AKT3: variants seen among roughly 807,000 people sequenced by gnomAD.
AKT3 encodes RAC-gamma serine/threonine-protein kinase.
In AKT3, 15 loss-of-function variants were observed where a neutral mutation model predicts 65.3. That is an observed-to-expected ratio of 0.23 (90% CI 0.15 to 0.35). The LOEUF is 0.35. AKT3 is among the 10% of genes least tolerant of loss of function. The probability of loss-of-function intolerance (pLI) is 1.00; values close to 1 mark genes in which losing one functional copy is unlikely to be tolerated. For synonymous variants in AKT3, 206 were observed against 183.8 expected, an observed-to-expected ratio of 1.12 and a Z score of -0.98; for missense variants, 243 against 576.5, an observed-to-expected ratio of 0.42 and a Z score of 5.92.
intron 3 of AKT3, among the ~76,000 whole-genome samples, chr1:243,679,958 T>C (rs1356783111): frequency 2.0e-5 from 3 of 152,142 alleles, no homozygotes; most frequent in Non-Finnish European, 2.9e-5. Context: ...AAGGAAACAA[T>C]GCATATGAAA....
chr1:243,849,292 A>C (rs1180314455), intron 1 of AKT3, among the ~76,000 whole-genome samples: 2 of 152,124 alleles, frequency 1.3e-5, no homozygotes, highest in Admixed American at 1.3e-4. Context: ...CATCTTCCGC[A>C]CATTTCTATT....
chr1:243,846,455 T>C (rs948265226), intron 1 of AKT3, among the ~76,000 whole-genome samples: 8 of 152,130 alleles, frequency 5.3e-5, no homozygotes, highest in Non-Finnish European at 5.9e-5. Context: ...AAATGAGAAA[T>C]ACCTGTAGTT....
chr1:243,709,381 G>T (rs1686007795), intron 2 of AKT3, among the ~76,000 whole-genome samples: 1 of 151,590 alleles, frequency 6.6e-6, no homozygotes, highest in Non-Finnish European at 1.5e-5. Flanking sequence ...GATCTCACGT[G>T]GATGACACTG....
At chr1:243,784,915 C>A (rs1395745243) in intron 2 of AKT3, among the ~76,000 whole-genome samples, 1 of 152,108 alleles carries the variant, frequency 6.6e-6, no homozygotes, top group Non-Finnish European at 1.5e-5. Flanking sequence ...AGTGCACCAC[C>A]ACGCCTAGCT....
chr1:243,575,035 A>C (rs1437261041), intron 8 of AKT3, among the ~76,000 whole-genome samples: 3 of 152,104 alleles, frequency 2.0e-5, no homozygotes, highest in African/African-American at 7.2e-5. Context: ...TAAGGGTAAG[A>C]ATTTACTTCT....
rs748705341 is a variant in AKT3 at position 243,499,812 on chromosome 1, G to T, written c.*5437C>A. On this transcript the variant is annotated 3_prime_UTR_variant, in exon 14 of 14. Coordinates refer to ENST00000673466, the MANE Select transcript of AKT3 (RefSeq NM_005465.7). The stretch of plus-strand genomic sequence containing the variant: ...CTGGATGGAACAGAGTGAAATAAAT[G>T]ATTTACAAAGAGATATTTACATTCA... 1 of 1,605,292 alleles carries T rather than the reference G, an allele frequency of 6.2e-7. No individual in the cohort carries two copies. The highest frequency in any genetic ancestry group is 8.5e-7 in the Non-Finnish European group (1 of 1,172,794).
chr1:243,496,452 A>G (rs1353354529), downstream of AKT3, among the ~76,000 whole-genome samples: 1 of 152,220 alleles, frequency 6.6e-6, no homozygotes, highest in Non-Finnish European at 1.5e-5. Context: ...CTCTCCAGTT[A>G]CAAATGGATG....
intron 2 of AKT3, among the ~76,000 whole-genome samples, chr1:243,727,796 A>G (rs1259728265): frequency 6.6e-6 from 1 of 152,178 alleles, no homozygotes; most frequent in Non-Finnish European, 1.5e-5. Flanking sequence ...CCAAGAAAAA[A>G]AAGCATCATA....
chr1:243,625,061 G>T, intron 6 of AKT3: 1 of 315,082 alleles, frequency 3.2e-6, no homozygotes, highest in Non-Finnish European at 6.4e-6. Context: ...CTCCACCCTT[G>T]CCCTTTCCCC....
chr1:243,762,683 G>T (rs898159619), intron 2 of AKT3, among the ~76,000 whole-genome samples: 2 of 152,024 alleles, frequency 1.3e-5, no homozygotes, highest in African/African-American at 4.8e-5. Context: ...ATTTATGCAT[G>T]GCAAGGTAAA....
chr1:243,571,557 C>T (rs772418744), intron 9 of AKT3, among the ~76,000 whole-genome samples: 11 of 152,094 alleles, frequency 7.2e-5, no homozygotes, highest in South Asian at 4.1e-4. Context: ...CCTTTTCACC[C>T]CTACAAATAG....
At chr1:243,691,819 A>C (rs1179645885) in intron 3 of AKT3, among the ~76,000 whole-genome samples, 2 of 152,218 alleles carry the variant, frequency 1.3e-5, no homozygotes, top group East Asian at 3.8e-4. Context: ...CTAGAGATTT[A>C]AGTGTGGGAG....
At chr1:243,771,920 C>G (rs562316993) in intron 2 of AKT3, among the ~76,000 whole-genome samples, 162 of 152,144 alleles carry the variant, frequency 1.1e-3, no homozygotes, top group African/African-American at 3.6e-3. Flanking sequence ...ACAAACCTGA[C>G]AAAAACAAGA....
chr1:243,851,022 A>C (rs978133139), upstream of AKT3: 7 of 152,108 alleles, frequency 4.6e-5, no homozygotes, highest in Admixed American at 3.9e-4. Context: ...CCCCTTGGGG[A>C]GATGGGCCCG....
intron 4 of AKT3, among the ~76,000 whole-genome samples, chr1:243,660,313 G>T (rs193179213): frequency 1.3e-5 from 2 of 152,226 alleles, no homozygotes; most frequent in Admixed American, 1.3e-4. Context: ...ATTTCTGTGG[G>T]ATCTGTGGTG....
chr1:243,850,557 C>T (rs903765047), upstream of AKT3, among the ~76,000 whole-genome samples: 8 of 151,532 alleles, frequency 5.3e-5, no homozygotes, highest in East Asian at 7.9e-4. Context: ...TCCCCGCCCC[C>T]TCCTTCCTCC....
intron 11 of AKT3, among the ~76,000 whole-genome samples, chr1:243,550,422 A>C (rs1468584944): frequency 6.6e-6 from 1 of 152,142 alleles, no homozygotes; most frequent in Non-Finnish European, 1.5e-5. Context: ...CATTCATTCA[A>C]TAGTTCCTAA....
At chr1:243,690,392 A>G (rs1684612797) in intron 3 of AKT3, among the ~76,000 whole-genome samples, 1 of 152,224 alleles carries the variant, frequency 6.6e-6, no homozygotes, top group South Asian at 2.1e-4. Context: ...GAGACAATGT[A>G]TGTATCCTAT....
At chr1:243,658,635 G>A (rs1338047107) in intron 4 of AKT3, among the ~76,000 whole-genome samples, 1 of 152,100 alleles carries the variant, frequency 6.6e-6, no homozygotes, top group Non-Finnish European at 1.5e-5. Context: ...TTCAAACAAA[G>A]TGAAATGAGG....
Sources: gnomAD v4.1 joint callset for allele counts (sites outside exome capture counted in the v4.1 genomes callset) on GRCh38, gnomAD v4.1.1 for gene constraint, MANE v1.5 for transcripts, NCBI Gene and HGNC (gene_info 2026-07-23, HGNC 2026-07-21) for gene names.